Variants in SNTG2 observed in about 807,000 individuals in gnomAD.
SNTG2 encodes the protein gamma-2-syntrophin.
A neutral mutation model predicts 70.9 loss-of-function variants in SNTG2; 74 were observed. The observed-to-expected ratio is 1.04, with a 90% CI of 0.86 to 1.27. The LOEUF (loss-of-function observed/expected upper bound fraction) is 1.27. Ranked by LOEUF, SNTG2 falls within the 50% of genes most tolerant of loss-of-function variation. The pLI, the probability that SNTG2 is intolerant of heterozygous loss-of-function variation, is 0.00. For synonymous variants in SNTG2, 278 were observed against 273.8 expected (o/e 1.02, Z -0.15); for missense variants, 717 against 690.7 (o/e 1.04, Z -0.43).
Position 1,180,368 on chromosome 2 carries a change from C to G in SNTG2, c.591+7185C>G, listed in dbSNP as rs1244880924. Among the ~76,000 whole-genome samples, 2 of 133,586 alleles carry G rather than the reference C, an allele frequency of 1.5e-5. 1 individual carries two copies. Among genetic ancestry groups the G allele is most frequent in the South Asian group, 5.0e-4 (2 of 3,968 alleles). The allele number at this position is 133,586 out of a possible 152,430, so 87.6% of individuals were successfully genotyped here. On this transcript the variant is annotated intron_variant, in intron 8 of 16. Transcript: ENST00000308624. ...TCTACAATGAACTCAAACAAATTTA[C>G]AAGAAAAAAACAAACAACCCCATCA...
intron 7 of SNTG2, among the ~76,000 whole-genome samples, chr2:1,166,821 G>A (rs1670738763): frequency 6.6e-6 from 1 of 152,206 alleles, no homozygotes; most frequent in African/African-American, 2.4e-5. Flanking sequence ...GTGGAGAAGA[G>A]CAGAGGAGCG....
At chr2:1,133,323 T>G (rs1041647911) in intron 4 of SNTG2, among the ~76,000 whole-genome samples, 7 of 152,236 alleles carry the variant, frequency 4.6e-5, no homozygotes, top group African/African-American at 1.7e-4. Context: ...CTAATTAATT[T>G]TCAAGAAAAC....
intron 8 of SNTG2, among the ~76,000 whole-genome samples, chr2:1,206,230 G>T (rs1673625750): frequency 6.6e-6 from 1 of 152,210 alleles, no homozygotes; most frequent in African/African-American, 2.4e-5. Context: ...TCAGAGTGGG[G>T]TTTGCTCAAA....
chr2:1,094,205 AGG>A (rs1271871024), intron 2 of SNTG2, among the ~76,000 whole-genome samples: 34 of 116,260 alleles, frequency 2.9e-4, no homozygotes, highest in Non-Finnish European at 4.8e-4. Flanking sequence ...AAGGCCTTAT[AGG>A]TGTGTCCTCA....
chr2:1,117,899 C>T (rs1478257985), intron 4 of SNTG2, among the ~76,000 whole-genome samples: 1 of 152,172 alleles, frequency 6.6e-6, no homozygotes, highest in Admixed American at 6.5e-5. Context: ...TGCTGCTGTG[C>T]CCTGTTGGTT....
chr2:1,178,660 A>C (rs1169086965), intron 8 of SNTG2, among the ~76,000 whole-genome samples: 2 of 152,064 alleles, frequency 1.3e-5, no homozygotes, highest in Admixed American at 6.5e-5. Context: ...AGCCCACTTG[A>C]TCATGGTGGA....
chr2:1,016,532 C>T lies in SNTG2; in HGVS notation c.72+65464C>T, dbSNP rs111321342. ...CAGGGATTACAGGCGTGAGCCACCA[C>T]GCCCGGCCGACAACTTTATTTCTTA... On this transcript the variant is annotated intron_variant, in intron 1 of 16. Coordinates refer to ENST00000308624, the MANE Select transcript of SNTG2 (RefSeq NM_018968.4). 3.6e-4 allele frequency among the ~76,000 whole-genome samples: 52 copies of T among 144,932 alleles called. 1 individual carries two copies. Among genetic ancestry groups the T allele is most frequent in the East Asian group, 1.4e-3 (7 of 5,174 alleles).
intron 8 of SNTG2, among the ~76,000 whole-genome samples, chr2:1,186,529 A>G (rs908644744): frequency 7.9e-5 from 12 of 152,206 alleles, no homozygotes; most frequent in African/African-American, 2.9e-4. Flanking sequence ...ATAGTACCAC[A>G]GGGTATACAG....
intron 12 of SNTG2, among the ~76,000 whole-genome samples, chr2:1,255,216 C>T (rs969334926): frequency 6.6e-6 from 1 of 152,196 alleles, no homozygotes; most frequent in Admixed American, 6.5e-5. Flanking sequence ...TGATTGAACA[C>T]GCCTCTGCAG....
At chr2:959,153 G>A (rs1009165807) in intron 1 of SNTG2, among the ~76,000 whole-genome samples, 1 of 151,752 alleles carries the variant, frequency 6.6e-6, no homozygotes, top group Non-Finnish European at 1.5e-5. Flanking sequence ...TTTAGTAATC[G>A]AATAAAGAGG....
intron 1 of SNTG2, among the ~76,000 whole-genome samples, chr2:1,005,782 C>T (rs1385447840): frequency 3.3e-4 from 31 of 93,404 alleles, no homozygotes; most frequent in African/African-American, 4.4e-4. Context: ...CCAGCCTGGG[C>T]GACAGAGCAA....
intron 1 of SNTG2, among the ~76,000 whole-genome samples, chr2:1,022,482 C>A (rs371385780): frequency 6.6e-6 from 1 of 151,668 alleles, no homozygotes; most frequent in South Asian, 2.1e-4. Context: ...TCCCTGAGTT[C>A]CCGTGAGTCC....
intron 4 of SNTG2, among the ~76,000 whole-genome samples, chr2:1,135,462 G>T (rs1180194724): frequency 1.3e-5 from 2 of 152,208 alleles, no homozygotes; most frequent in Non-Finnish European, 2.9e-5. Flanking sequence ...GCTCACGCCT[G>T]TAATCCCAGC....
chr2:1,123,824 AATTC>A (rs61340646), intron 4 of SNTG2, among the ~76,000 whole-genome samples: 71,683 of 136,634 alleles, frequency 0.52, 17,910 homozygotes, highest in East Asian at 0.69. Flanking sequence ...ATTTATGAAG[AATTC>A]ATTCAGGTTA....
chr2:1,172,986 G>T, intron 7 of SNTG2, 106 bp from the exon 8 acceptor site: 1 of 959,440 alleles, frequency 1.0e-6, no homozygotes, highest in Non-Finnish European at 1.6e-6. Context: ...CAGGCATTTT[G>T]GTGCTGGTAA....
intron 8 of SNTG2, among the ~76,000 whole-genome samples, chr2:1,190,314 TATA>T (rs1672502822): frequency 6.6e-6 from 1 of 151,844 alleles, no homozygotes; most frequent in African/African-American, 2.4e-5. Flanking sequence ...GTAGATTACT[TATA>T]ATACCTAATA....
At chr2:983,788 A>G (rs1459058972) in intron 1 of SNTG2, among the ~76,000 whole-genome samples, 1 of 152,232 alleles carries the variant, frequency 6.6e-6, no homozygotes, top group Non-Finnish European at 1.5e-5. Context: ...ATCAAGACAT[A>G]CTTCTCACTT....
At chr2:1,117,672 G>A (rs1173800289) in intron 4 of SNTG2, among the ~76,000 whole-genome samples, 6 of 152,160 alleles carry the variant, frequency 3.9e-5, no homozygotes, top group South Asian at 2.1e-4. Flanking sequence ...GAAACTGGAC[G>A]AGCTCCCCAG....
chr2:1,335,457 C>T (rs1177107347), intron 16 of SNTG2, among the ~76,000 whole-genome samples: 2 of 152,104 alleles, frequency 1.3e-5, no homozygotes, highest in African/African-American at 4.8e-5. Context: ...TCCTCTCTGA[C>T]CCTGGCTTTG....
Sources: allele counts gnomAD v4.1 joint callset (sites outside exome capture counted in the v4.1 genomes callset), GRCh38; gene constraint gnomAD v4.1.1; transcripts MANE v1.5; gene names NCBI Gene and HGNC (gene_info 2026-07-23, HGNC 2026-07-21).